The following GSE1 variants were observed in gnomAD, a reference collection of about 807,000 sequenced individuals.
GSE1 encodes the protein Gse1 coiled-coil protein, also known as genetic suppressor element 1.
Under a neutral mutation model 112.6 loss-of-function variants are expected in GSE1, and 32 were observed. That is an observed-to-expected ratio of 0.28 (90% CI 0.21 to 0.38). GSE1 has a LOEUF of 0.38. GSE1 is among the 10% of genes least tolerant of loss of function. The pLI is 1.00. For synonymous variants in GSE1, 1,115 were observed against 735.6 expected (o/e 1.52, Z -8.35); for missense variants, 2,348 against 1,699.2 (o/e 1.38, Z -6.71).
At chr16:85,516,772 G>C (rs2051955302) in intron 2 of GSE1, among the ~76,000 whole-genome samples, 1 of 150,160 alleles carries the variant, frequency 6.7e-6, no homozygotes, top group African/African-American at 2.4e-5. Context: ...ATGGGGTGCA[G>C]CTTGGGGCAG....
chr16:85,623,283 C>T (rs1337729124), intron 1 of GSE1, among the ~76,000 whole-genome samples: 1 of 150,560 alleles, frequency 6.6e-6, no homozygotes, highest in Non-Finnish European at 1.5e-5. Flanking sequence ...CGCGCAATCA[C>T]AACTCAAGGC....
intron 1 of GSE1, among the ~76,000 whole-genome samples, chr16:85,264,262 T>C (rs1908005255): frequency 6.6e-6 from 1 of 152,004 alleles, no homozygotes; most frequent in African/African-American, 2.4e-5. Flanking sequence ...ACGTCCCTGG[T>C]GTGGAATGTG....
At chr16:85,625,006 G>C (rs1159516372) in intron 1 of GSE1, among the ~76,000 whole-genome samples, 1 of 152,210 alleles carries the variant, frequency 6.6e-6, no homozygotes, top group Non-Finnish European at 1.5e-5. Flanking sequence ...CCCTGTAAAA[G>C]TTGCCCCCTG....
At chr16:85,495,177 G>A (rs1339669297) in intron 2 of GSE1, among the ~76,000 whole-genome samples, 1 of 152,180 alleles carries the variant, frequency 6.6e-6, no homozygotes, top group Non-Finnish European at 1.5e-5. Flanking sequence ...GGATGGCTGG[G>A]CCTGTTCCCC....
At position 85,600,267 on chromosome 16, in the gene GSE1, C is replaced by T. The variant is rs370340961; in HGVS notation, c.37+43904C>T. On this transcript the variant is annotated intron_variant, in intron 1 of 2. Transcript: ENST00000635906. ...GTCACAAAGCAGTTTGCTGGCTGAG[C>T]CAGGAATAGAACTCCTGAGCCGGGC... 1.1e-4 allele frequency among the ~76,000 whole-genome samples: 17 copies of T among 152,248 alleles called. No homozygotes were observed. In the South Asian group the frequency reaches 3.5e-3, roughly 32 times the overall value.
At chr16:85,371,429 G>T (rs376462293) in intron 2 of GSE1, among the ~76,000 whole-genome samples, 7 of 152,310 alleles carry the variant, frequency 4.6e-5, no homozygotes, top group African/African-American at 1.7e-4. Context: ...CGTCCTGGCT[G>T]CAGGGGCTGT....
rs147053301 is a variant in GSE1, at chr16:85,663,477, G to A, written c.2507G>A (p.Arg836Gln). Residue 836 changes from arginine (R) to glutamine (Q), a missense_variant, in exon 11 of 16, where the codon CGG becomes CAG. Coordinates refer to ENST00000253458, the MANE Select transcript of GSE1 (RefSeq NM_014615.5). Reference protein sequence around the residue: ...SPSPPTIQSKRQTPSPRLALS... With the variant: ...SPSPPTIQSKQQTPSPRLALS... ...TCGCCCCCAACAATTCAGAGCAAGC[G>A]GCAGACGCCTTCACCGAGACTGGCG... The A allele has an allele frequency of 4.5e-5, 72 of 1,613,868 alleles. No homozygotes were observed. Among genetic ancestry groups the A allele is most frequent in the African/African-American group, 2.1e-4 (16 of 75,022 alleles).
chr16:85,422,629 A>G (rs1288279206), intron 2 of GSE1, among the ~76,000 whole-genome samples: 2 of 150,208 alleles, frequency 1.3e-5, no homozygotes, highest in South Asian at 2.1e-4. Context: ...GGGGCAGGAG[A>G]GAGGGGGCGT....
intron 2 of GSE1, among the ~76,000 whole-genome samples, chr16:85,420,310 G>A (rs767869191): frequency 8.5e-5 from 13 of 152,066 alleles, no homozygotes; most frequent in South Asian, 2.1e-4. Flanking sequence ...GTGGCCCTGC[G>A]GACACCTTGA....
chr16:85,410,353 A>G (rs1176754495), intron 2 of GSE1, among the ~76,000 whole-genome samples: 15 of 47,364 alleles, frequency 3.2e-4, no homozygotes, highest in Non-Finnish European at 3.9e-4. Context: ...CCTCACTGTT[A>G]CACTCAGGGC....
At chr16:85,258,489 G>A (rs569276682) in intron 1 of GSE1, among the ~76,000 whole-genome samples, 89 of 151,614 alleles carry the variant, frequency 5.9e-4, no homozygotes, top group African/African-American at 2.1e-3. Flanking sequence ...ACCCAGCAAA[G>A]CTCAGCCCTC....
At chr16:85,232,178 C>T (rs73257940) in intron 1 of GSE1, among the ~76,000 whole-genome samples, 216 of 152,342 alleles carry the variant, frequency 1.4e-3, no homozygotes, top group African/African-American at 5.0e-3. Context: ...AAGGCCACAG[C>T]GAGCCAAGCA....
chr16:85,555,818 T>G, upstream of GSE1: 1 of 929,040 alleles, frequency 1.1e-6, no homozygotes, highest in Non-Finnish European at 1.3e-6. Flanking sequence ...TTTTTTTCTT[T>G]CCCCCCTCTC....
chr16:85,489,013 T>C (rs1009663709), intron 2 of GSE1, among the ~76,000 whole-genome samples: 2 of 152,046 alleles, frequency 1.3e-5, no homozygotes, highest in African/African-American at 2.4e-5. Flanking sequence ...ATGGTACAAA[T>C]TACACCAGGA....
At chr16:85,410,413 A>G (rs1174934991) in intron 2 of GSE1, among the ~76,000 whole-genome samples, 2 of 24,404 alleles carry the variant, frequency 8.2e-5, no homozygotes, top group Non-Finnish European at 1.4e-4. Context: ...GATAATCCTC[A>G]CTGTTACACT....
At chr16:85,556,785 C>T (rs1247364351) in intron 1 of GSE1, among the ~76,000 whole-genome samples, 1 of 137,312 alleles carries the variant, frequency 7.3e-6, no homozygotes, top group Non-Finnish European at 1.6e-5. Context: ...TTATTTCCCT[C>T]TCCCTCCAGC....
At chr16:85,224,243 A>G (rs953663909) in intron 1 of GSE1, among the ~76,000 whole-genome samples, 1 of 130,950 alleles carries the variant, frequency 7.6e-6, no homozygotes, top group Admixed American at 8.1e-5. Flanking sequence ...AAAAGCGAGA[A>G]GGCGAGGGAG....
At chr16:85,310,726 G>C (rs78007796) in intron 1 of GSE1, among the ~76,000 whole-genome samples, 5,523 of 151,992 alleles carry the variant, frequency 0.036, 326 homozygotes, top group African/African-American at 0.12. Context: ...TGTGGAAGGG[G>C]AGCGCACCCA....
intron 2 of GSE1, among the ~76,000 whole-genome samples, chr16:85,369,848 G>A (rs143513315): frequency 0.012 from 1,818 of 152,346 alleles, 20 homozygotes; most frequent in Middle Eastern, 0.024. Flanking sequence ...ACTGTTGTAG[G>A]TGCTTTGCTG....
Sources: gnomAD v4.1 joint callset for allele counts (sites outside exome capture counted in the v4.1 genomes callset) on GRCh38, gnomAD v4.1.1 for gene constraint, MANE v1.5 for transcripts, NCBI Gene and HGNC (gene_info 2026-07-23, HGNC 2026-07-21) for gene names.